The following SLC19A2 variants were observed in gnomAD, a reference collection of about 807,000 sequenced individuals.
The protein encoded by SLC19A2 is solute carrier family 19 member 2, also known as thiamine transporter 1.
Under a neutral mutation model 44.7 loss-of-function variants are expected in SLC19A2, and 27 were observed. The ratio of observed to expected loss-of-function variants is 0.60; its 90% CI spans 0.45 to 0.83. The LOEUF (loss-of-function observed/expected upper bound fraction) is 0.83, where lower values mean the gene tolerates loss of function less well. SLC19A2 is among the 40% of genes least tolerant of loss of function. The probability of loss-of-function intolerance (pLI) is 0.00; values close to 1 mark genes in which losing one functional copy is unlikely to be tolerated. For missense variants in SLC19A2, 566 were observed against 613.7 expected (o/e 0.92, Z 0.82); for synonymous variants, 239 against 243.6 (o/e 0.98, Z 0.18).
chr1:169,480,377 ATC>A lies in SLC19A2; in HGVS notation c.205-2622_205-2621del, dbSNP rs974742886. The stretch of plus-strand genomic sequence containing the variant: ...ACCCAGGCTGGAGTGCAATGGCGTG[ATC>A]TCGGCTCACTGCAACCTCTGCCTCC... On this transcript the variant is annotated intron_variant, in intron 1 of 5. Transcript: ENST00000236137. Among the ~76,000 whole-genome samples the A allele has an allele frequency of 8.3e-4, 126 of 151,606 alleles. 3 individuals carry two copies. The highest frequency in any genetic ancestry group is 2.8e-4 in the Non-Finnish European group (19 of 67,960).
At position 169,476,229 on chromosome 1, in the gene SLC19A2, T is replaced by C. The variant is rs1382938495; in HGVS notation, c.807+926A>G. ...AGATGGATAAATTATTTTAATGCCA[T>C]ACCTCTCTCTTCCAAGAGACAGCTT... is the stretch of plus-strand genomic sequence containing the variant. On this transcript the variant is annotated intron_variant, in intron 2 of 5. Coordinates refer to ENST00000236137, the MANE Select transcript of SLC19A2 (RefSeq NM_006996.3). Among the ~76,000 whole-genome samples the C allele has an allele frequency of 8.5e-5, 13 of 152,316 alleles. No individual in the cohort carries two copies. In the East Asian group the frequency reaches 1.3e-3, roughly 16 times the overall value.
chr1:169,481,925 G>T (rs1185121220), intron 1 of SLC19A2, among the ~76,000 whole-genome samples: 1 of 152,196 alleles, frequency 6.6e-6, no homozygotes, highest in East Asian at 1.9e-4. Flanking sequence ...ATGGCCAGGC[G>T]CAGTGGCTCA....
In SLC19A2 at chr1:169,469,974, T is replaced by G; in HGVS notation, c.1020A>C (p.Ser340=). ...TCCTGCATTGCTTACCCAGTAAGGTTGAAACGGCCTCCACGCCACCATTAT... is the reference window on the plus strand; with the variant it reads ...TCCTGCATTGCTTACCCAGTAAGGTGGAAACGGCCTCCACGCCACCATTAT... ...AIYNGGVEAV[S]TLLGAVAVFA... Residue 340 remains serine (S), a synonymous_variant, in exon 3 of 6, where the codon TCA becomes TCC. Transcript: ENST00000236137. 6.2e-7 allele frequency: 1 copy of G among 1,613,688 alleles called. No homozygotes were observed. Among genetic ancestry groups the G allele is most frequent in the Non-Finnish European group, 8.5e-7 (1 of 1,179,812 alleles).
intron 2 of SLC19A2, among the ~76,000 whole-genome samples, chr1:169,476,456 C>T (rs1447616389): frequency 2.6e-5 from 4 of 152,268 alleles, no homozygotes; most frequent in South Asian, 2.1e-4. Flanking sequence ...CGGTGGCTCA[C>T]GCCTGTAATC....
chr1:169,468,746 G>A lies in SLC19A2; in HGVS notation c.1121C>T (p.Ala374Val), dbSNP rs774419302. 1.2e-6 allele frequency: 2 copies of A among 1,613,482 alleles called. No homozygotes were observed. Among genetic ancestry groups the A allele is most frequent in the Non-Finnish European group, 1.7e-6 (2 of 1,179,620 alleles). ...MTLSLFSLLI[A>V]AAVYIMDTVG... is the part of the protein sequence containing the mutation. ...AGTGTCCATGATATACACTGCAGCAGCAATCAGGAGAGAAAAGAGAGATAA... is the reference window on the plus strand; with the variant it reads ...AGTGTCCATGATATACACTGCAGCAACAATCAGGAGAGAAAAGAGAGATAA... The change falls in exon 4 of 6, where the codon GCT becomes GTT. Residue 374 changes from alanine to valine, a missense_variant. Physicochemically the swap from Ala to Val is moderately conservative, Grantham distance 64. Transcript: ENST00000236137.
At chr1:169,467,017 G>C (rs1658009669) in intron 5 of SLC19A2, among the ~76,000 whole-genome samples, 1 of 152,084 alleles carries the variant, frequency 6.6e-6, no homozygotes, top group African/African-American at 2.4e-5. Context: ...ATGGCAGTTA[G>C]GGTTTCAGCA....
At position 169,485,790 on chromosome 1, in the gene SLC19A2, C is replaced by A. The variant is rs1184346268; in HGVS notation, c.-24G>T. On this transcript the variant is annotated 5_prime_UTR_variant, in exon 1 of 6. Coordinates refer to ENST00000236137, the MANE Select transcript of SLC19A2 (RefSeq NM_006996.3). ...ATCCGGGGCGCGAGGGGAGGGGACC[C>A]GGCCCGGCCCCTTCCTTCTCCTCCT... 1.3e-6 allele frequency: 2 copies of A among 1,514,352 alleles called. No homozygotes were observed. The highest frequency in any genetic ancestry group is 1.8e-6 in the Non-Finnish European group (2 of 1,138,234). The allele number at this position is 1,514,352 out of a possible 1,614,324, so 93.8% of individuals were successfully genotyped here.
intron 1 of SLC19A2, among the ~76,000 whole-genome samples, chr1:169,485,332 C>G (rs1486629850): frequency 6.6e-6 from 1 of 152,228 alleles, no homozygotes; most frequent in Non-Finnish European, 1.5e-5. Context: ...GCACAAGGCA[C>G]GGGGCCTCTG....
chr1:169,465,595 C>T lies in SLC19A2; in HGVS notation c.*254G>A. On this transcript the variant is annotated 3_prime_UTR_variant, in exon 6 of 6. Coordinates refer to ENST00000236137, the MANE Select transcript of SLC19A2 (RefSeq NM_006996.3). ...ATTGCTCTTGACTGGTTTTTAAAAT[C>T]AAGTTCACTTTTGAATCAGAAAAAA... is the stretch of plus-strand genomic sequence containing the variant. 2 of 469,126 alleles carry T rather than the reference C, an allele frequency of 4.3e-6. No individual in the cohort carries two copies. 29.1% of individuals were successfully genotyped at this position (469,126 alleles called of 1,614,324 possible).
At chr1:169,469,758 TA>T (rs547171875) in intron 3 of SLC19A2, among the ~76,000 whole-genome samples, 8 of 152,312 alleles carry the variant, frequency 5.3e-5, no homozygotes, top group African/African-American at 1.7e-4. Flanking sequence ...TCAAAGCTTA[TA>T]AAAAAATTCC....
chr1:169,485,883 C>T lies in SLC19A2; in HGVS notation c.-117G>A, dbSNP rs1018425605. On this transcript the variant is annotated 5_prime_UTR_variant, in exon 1 of 6. Transcript: ENST00000236137. ...ACGCCTTCTCCCTGTAAGGCCAGGA[C>T]GTTCTGGACTCGCCGCCGCCTCCGG... 1.7e-6 allele frequency: 2 copies of T among 1,192,250 alleles called. No individual in the cohort carries two copies. Among genetic ancestry groups the T allele is most frequent in the East Asian group, 2.6e-5 (1 of 38,768 alleles). The allele number at this position is 1,192,250 out of a possible 1,614,324, so 73.9% of individuals were successfully genotyped here. A position where few individuals can be genotyped will look rare whatever the true frequency, so the allele number is the denominator to read the frequency against.
chr1:169,469,812 T>C lies in SLC19A2; in HGVS notation c.1030+152A>G, dbSNP rs140474994. ...CCTGCTCCACTTGAGTACTTCTAAG[T>C]TGTCCTCCTAAATTGTAAAATCTAG... is the stretch of plus-strand genomic sequence containing the variant. On this transcript the variant is annotated intron_variant, in intron 3 of 5. Transcript: ENST00000236137. 2.1e-5 allele frequency: 16 copies of C among 747,740 alleles called. No individual in the cohort carries two copies. In the African/African-American group the frequency reaches 2.4e-4, roughly 11 times the overall value. The allele number at this position is 747,740 out of a possible 1,614,324, so 46.3% of individuals were successfully genotyped here.
At chr1:169,474,452 T>C (rs1483075165) in intron 2 of SLC19A2, among the ~76,000 whole-genome samples, 1 of 152,126 alleles carries the variant, frequency 6.6e-6, no homozygotes, top group Non-Finnish European at 1.5e-5. Context: ...ACATAATGAA[T>C]CCAGCTCTGC....
chr1:169,466,046 C>G (rs1271515756), intron 5 of SLC19A2, 69 bp from the exon 6 acceptor site: 1 of 1,586,258 alleles, frequency 6.3e-7, no homozygotes, highest in Non-Finnish European at 8.6e-7. Context: ...AAAGTATATT[C>G]AGAATTTGTC....
chr1:169,464,535 A>C lies in SLC19A2; in HGVS notation c.*1314T>G, dbSNP rs1392371559. ...CTGTTCAGCTGTGTCATTCTAAAAA[A>C]GTTAATACCCCAGTTAAAAGCACCT... is the stretch of plus-strand genomic sequence containing the variant. On this transcript the variant is annotated 3_prime_UTR_variant, in exon 6 of 6. Coordinates refer to ENST00000236137, the MANE Select transcript of SLC19A2 (RefSeq NM_006996.3). The C allele has an allele frequency of 6.6e-6, 1 of 152,210 alleles. No individual in the cohort carries two copies. The highest frequency in any genetic ancestry group is 6.5e-5 in the Admixed American group (1 of 15,278). 9.4% of individuals were successfully genotyped at this position (152,210 alleles called of 1,614,324 possible).
In SLC19A2 at chr1:169,477,166, CG is replaced by C; in HGVS notation, c.795del (p.Val266TrpfsTer14). 2 of 1,613,658 alleles carry C rather than the reference CG, an allele frequency of 1.2e-6. No individual in the cohort carries two copies. Among genetic ancestry groups the C allele is most frequent in the Non-Finnish European group, 1.7e-6 (2 of 1,179,912 alleles). Reference protein sequence around the residue: ...SKIPLNMEEPPVEEPEPKPDR... With the variant: ...SKIPLNMEEPXVEEPEPKPDR... ...AAGGCTGAGCTTACCGGTTCCTCCA[CG>C]GGAGGCTCCTCCATATTTAGAGGGA... is the stretch of plus-strand genomic sequence containing the variant. On this transcript the variant is annotated frameshift_variant, in exon 2 of 6. Coordinates refer to ENST00000236137, the MANE Select transcript of SLC19A2 (RefSeq NM_006996.3). LOFTEE classifies it high-confidence loss of function.
At chr1:169,481,025 G>A (rs1231354553) in intron 1 of SLC19A2, among the ~76,000 whole-genome samples, 2 of 152,102 alleles carry the variant, frequency 1.3e-5, no homozygotes, top group African/African-American at 2.4e-5. Flanking sequence ...AGGGGAGAGG[G>A]GGAAGACCAG....
intron 5 of SLC19A2, among the ~76,000 whole-genome samples, chr1:169,466,295 G>A (rs1202646495): frequency 2.6e-5 from 4 of 152,158 alleles, no homozygotes; most frequent in Non-Finnish European, 5.9e-5. Flanking sequence ...CCATCAGTGA[G>A]ATCATAAATG....
intron 1 of SLC19A2, 120 bp downstream of exon 1, chr1:169,485,443 G>T: frequency 4.3e-6 from 5 of 1,164,062 alleles, no homozygotes; most frequent in Non-Finnish European, 5.0e-6. Context: ...CCTCCAACTG[G>T]CAAAATCAGA....
Sources: allele counts gnomAD v4.1 joint callset (sites outside exome capture counted in the v4.1 genomes callset), GRCh38; gene constraint gnomAD v4.1.1; transcripts MANE v1.5; gene names NCBI Gene and HGNC (gene_info 2026-07-23, HGNC 2026-07-21).